Variants in GLCCI1 observed in about 807,000 individuals in gnomAD.
The protein encoded by GLCCI1 is glucocorticoid-induced transcript 1 protein.
Under a neutral mutation model 52.2 loss-of-function variants are expected in GLCCI1, and 24 were observed. The ratio of observed to expected loss-of-function variants is 0.46; its 90% confidence interval spans 0.33 to 0.65. The LOEUF (loss-of-function observed/expected upper bound fraction) is 0.65, where lower values mean the gene tolerates loss of function less well. Ranked by LOEUF, GLCCI1 falls within the 30% of genes least tolerant of loss-of-function variation. The pLI, the probability that GLCCI1 is intolerant of heterozygous loss-of-function variation, is 0.02. For synonymous variants in GLCCI1, 310 were observed against 276.5 expected (o/e 1.12, Z -1.20); for missense variants, 704 against 701.5 (o/e 1.00, Z -0.04).
intron 1 of GLCCI1, 159 bp from the exon 2 acceptor site, chr7:8,003,749 G>A: frequency 3.4e-6 from 2 of 582,228 alleles, no homozygotes; most frequent in Non-Finnish European, 5.8e-6. Context: ...CTTGGGACAT[G>A]GTTCATACAT....
intron 2 of GLCCI1, among the ~76,000 whole-genome samples, chr7:8,012,206 A>G (rs866915805): frequency 4.0e-5 from 6 of 151,608 alleles, no homozygotes; most frequent in Middle Eastern, 3.4e-3. Flanking sequence ...TTGATTTTCG[A>G]TTTGTATTTC....
intron 6 of GLCCI1, among the ~76,000 whole-genome samples, chr7:8,079,559 T>C (rs1311480783): frequency 6.6e-6 from 1 of 151,528 alleles, no homozygotes; most frequent in Non-Finnish European, 1.5e-5. Flanking sequence ...ATATCAGATT[T>C]AGAGTGAGTA....
At chr7:8,057,012 T>C (rs1021554713) in intron 4 of GLCCI1, among the ~76,000 whole-genome samples, 1 of 152,124 alleles carries the variant, frequency 6.6e-6, no homozygotes, top group Non-Finnish European at 1.5e-5. Flanking sequence ...TTAAAACTAA[T>C]GATAGGATAG....
At chr7:7,974,551 T>C (rs1780423652) in intron 1 of GLCCI1, among the ~76,000 whole-genome samples, 1 of 152,158 alleles carries the variant, frequency 6.6e-6, no homozygotes, top group South Asian at 2.1e-4. Flanking sequence ...TTTGTTTTAC[T>C]TGTGATAAGT....
At chr7:8,035,879 C>T (rs1023682649) in intron 3 of GLCCI1, among the ~76,000 whole-genome samples, 1 of 152,192 alleles carries the variant, frequency 6.6e-6, no homozygotes, top group African/African-American at 2.4e-5. Context: ...TCTCACCACC[C>T]GCTTCAGGGC....
In GLCCI1 at chr7:8,088,491, C is replaced by T. The variant is rs547071425; in HGVS notation, c.*1953C>T. 35 of 152,632 alleles carry T rather than the reference C, an allele frequency of 2.3e-4. No individual in the cohort carries two copies. Among genetic ancestry groups the T allele is most frequent in the Admixed American group, 2.0e-3 (31 of 15,290 alleles). The allele number at this position is 152,632 out of a possible 1,614,324, so 9.5% of individuals were successfully genotyped here. ...AGCAGATACCTTTAACCCTAATAATCTCAGGCCTTGATGAAAATACTATAT... is the reference window on the plus strand; with the variant it reads ...AGCAGATACCTTTAACCCTAATAATTTCAGGCCTTGATGAAAATACTATAT... On this transcript the variant is annotated 3_prime_UTR_variant, in exon 8 of 8. Transcript: ENST00000223145.
At chr7:8,074,552 G>C (rs1056389035) in intron 6 of GLCCI1, among the ~76,000 whole-genome samples, 1 of 152,056 alleles carries the variant, frequency 6.6e-6, no homozygotes, top group Admixed American at 6.6e-5. Context: ...AGGTATGGTG[G>C]CATGCAGCTG....
intron 4 of GLCCI1, among the ~76,000 whole-genome samples, chr7:8,057,174 C>T (rs1354048534): frequency 6.6e-6 from 1 of 152,026 alleles, no homozygotes; most frequent in East Asian, 1.9e-4. Context: ...GCTGACCGTT[C>T]AACCTAGAAT....
intron 1 of GLCCI1, among the ~76,000 whole-genome samples, chr7:7,972,603 A>G (rs529616838): frequency 6.6e-6 from 1 of 152,184 alleles, no homozygotes; most frequent in Non-Finnish European, 1.5e-5. Flanking sequence ...AAACCACTCA[A>G]TTTCTAAATA....
chr7:8,075,881 G>A (rs4725067), intron 6 of GLCCI1, among the ~76,000 whole-genome samples: 112,532 of 152,100 alleles, frequency 0.74, 42,077 homozygotes, highest in African/African-American at 0.85. Context: ...GCCAATGCAT[G>A]TAAGCCTATT....
intron 1 of GLCCI1, among the ~76,000 whole-genome samples, chr7:7,984,424 A>C (rs984310273): frequency 3.3e-5 from 5 of 152,208 alleles, no homozygotes; most frequent in African/African-American, 1.2e-4. Context: ...CAAGTTAAAA[A>C]TTCTGATGTT....
intron 3 of GLCCI1, among the ~76,000 whole-genome samples, chr7:8,028,497 A>G (rs1764903341): frequency 6.6e-6 from 1 of 152,186 alleles, no homozygotes; most frequent in Non-Finnish European, 1.5e-5. Context: ...GTAAGTGCCT[A>G]CATCAAAAAA....
Position 8,081,330 on chromosome 7 carries a change from C to G in GLCCI1, c.1178-3567C>G, listed in dbSNP as rs1782989781. Among the ~76,000 whole-genome samples the G allele has an allele frequency of 2.0e-5, 3 of 152,132 alleles. No individual in the cohort carries two copies. In the South Asian group the frequency reaches 6.2e-4, roughly 32 times the overall value. ...GTGAAAGAAAACTCTGGTTAAGAAC[C>G]ACTATTCTATTATTGCTTGTTTTAG... On this transcript the variant is annotated intron_variant, in intron 6 of 7. Transcript: ENST00000223145.
At chr7:8,040,676 T>C (rs991892094) in intron 3 of GLCCI1, among the ~76,000 whole-genome samples, 1 of 152,134 alleles carries the variant, frequency 6.6e-6, no homozygotes, top group Non-Finnish European at 1.5e-5. Flanking sequence ...GAAAACACTT[T>C]GCTAGTTTCT....
chr7:8,002,962 C>T (rs1013647076), intron 1 of GLCCI1, among the ~76,000 whole-genome samples: 1 of 152,236 alleles, frequency 6.6e-6, no homozygotes, highest in African/African-American at 2.4e-5. Flanking sequence ...CTTTTTACCT[C>T]TGTCCCTTGT....
rs149465486 is a variant in GLCCI1 at position 8,005,283 on chromosome 7, A to T, written c.609+1224A>T. Among the ~76,000 whole-genome samples the T allele has an allele frequency of 2.6e-3, 400 of 152,230 alleles. 1 individual carries two copies. Among genetic ancestry groups the T allele is most frequent in the African/African-American group, 8.3e-3 (344 of 41,580 alleles). ...AATAATTTTAAAAAGAAAAAAATTT[A>T]AAAAAATGTACTTATAGAGTATGAA... On this transcript the variant is annotated intron_variant, in intron 2 of 7. Coordinates refer to ENST00000223145, the MANE Select transcript of GLCCI1 (RefSeq NM_138426.4).
rs1782960295 is a variant in GLCCI1, at chr7:8,079,886, CT to C, written c.1178-5010del. On this transcript the variant is annotated intron_variant, in intron 6 of 7. Transcript: ENST00000223145. ...AAAAGGTTCTGATGTCATTTTTCCC[CT>C]GTACTCTTTGCTGAATGCTGATCTA... 2.0e-5 allele frequency among the ~76,000 whole-genome samples: 3 copies of C among 151,600 alleles called. No individual in the cohort carries two copies. In the South Asian group the frequency reaches 6.2e-4, roughly 31 times the overall value.
At chr7:8,057,366 C>T (rs539044895) in intron 4 of GLCCI1, among the ~76,000 whole-genome samples, 119 of 151,858 alleles carry the variant, frequency 7.8e-4, no homozygotes, top group African/African-American at 2.8e-3. Flanking sequence ...ATACTGTAGG[C>T]AGTAAAATGG....
intron 4 of GLCCI1, among the ~76,000 whole-genome samples, chr7:8,059,200 T>C (rs557975052): frequency 6.6e-6 from 1 of 152,272 alleles, no homozygotes; most frequent in South Asian, 2.1e-4. Flanking sequence ...GATAGTAATA[T>C]ATGAAAAAGA....
Sources: gnomAD v4.1 joint callset for allele counts (sites outside exome capture counted in the v4.1 genomes callset) on GRCh38, gnomAD v4.1.1 for gene constraint, MANE v1.5 for transcripts, NCBI Gene and HGNC (gene_info 2026-07-23, HGNC 2026-07-21) for gene names.